The following COL21A1 variants were observed in gnomAD, a reference collection of about 807,000 sequenced individuals.
COL21A1 encodes the protein collagen alpha-1(XXI) chain.
In COL21A1, 149 loss-of-function variants were observed where a neutral mutation model predicts 137.9. The observed-to-expected ratio is 1.08, with a 90% CI of 0.95 to 1.24. The LOEUF (loss-of-function observed/expected upper bound fraction) is 1.24, where lower values mean the gene tolerates loss of function less well. Ranked by LOEUF, COL21A1 falls within the 50% of genes most tolerant of loss-of-function variation. COL21A1 has a pLI of 0.00. For synonymous variants in COL21A1, 456 were observed against 391.5 expected, an observed-to-expected ratio of 1.16 and a Z score of -1.95; for missense variants, 1,167 against 1,158.4, an observed-to-expected ratio of 1.01 and a Z score of -0.11.
rs893705860 is a variant in COL21A1 at position 56,056,826 on chromosome 6, A to G, written c.*831T>C. 7.2e-5 allele frequency: 11 copies of G among 152,214 alleles called. No homozygotes were observed. The highest frequency in any genetic ancestry group is 1.2e-4 in the African/African-American group (5 of 41,464). The allele number at this position is 152,214 out of a possible 1,614,324, so 9.4% of individuals were successfully genotyped here. A position where few individuals can be genotyped will look rare whatever the true frequency, so the allele number is the denominator to read the frequency against. ...CTTTATTTCCATTAGCTTTGCTACAATGAAAATTAACATATATGGACATAC... is the reference window on the plus strand; with the variant it reads ...CTTTATTTCCATTAGCTTTGCTACAGTGAAAATTAACATATATGGACATAC... On this transcript the variant is annotated 3_prime_UTR_variant, in exon 30 of 30. Transcript: ENST00000244728.
intron 17 of COL21A1, among the ~76,000 whole-genome samples, chr6:56,098,076 T>TAA (rs1562189807): frequency 7.9e-5 from 2 of 25,348 alleles, no homozygotes; most frequent in Non-Finnish European, 1.2e-4. Flanking sequence ...TATAAATATA[T>TAA]ATAAATATAA....
intron 1 of COL21A1, among the ~76,000 whole-genome samples, chr6:56,241,644 T>C (rs1782333463): frequency 6.6e-6 from 1 of 152,238 alleles, no homozygotes; most frequent in Non-Finnish European, 1.5e-5. Context: ...CCTGGGTATT[T>C]ACCTTCTCCA....
At chr6:56,175,544 CAT>C (rs1212063762) in intron 3 of COL21A1, among the ~76,000 whole-genome samples, 1 of 151,732 alleles carries the variant, frequency 6.6e-6, no homozygotes, top group African/African-American at 2.4e-5. Flanking sequence ...ATTTATAAAA[CAT>C]AAAAATAAAA....
At chr6:56,339,647 T>G (rs916167229) in intron 1 of COL21A1, among the ~76,000 whole-genome samples, 1 of 152,238 alleles carries the variant, frequency 6.6e-6, no homozygotes, top group Non-Finnish European at 1.5e-5. Flanking sequence ...AGCCACATTC[T>G]TTTGAACTTT....
chr6:56,179,661 G>A lies in COL21A1; in HGVS notation c.557C>T (p.Pro186Leu). The A allele has an allele frequency of 6.2e-7, 1 of 1,613,884 alleles. No homozygotes were observed. The highest frequency in any genetic ancestry group is 8.5e-7 in the Non-Finnish European group (1 of 1,179,852). The stretch of plus-strand genomic sequence containing the variant: ...CACATAAAACACATAAGTAGACGAA[G>A]GCTTGTTGGCAATAGCTCTAAGTTC... ...DAELRAIANK[P>L]SSTYVFYVED... Residue 186 changes from proline (P) to leucine (L), a missense_variant, in exon 3 of 30, where the codon CCT (proline) becomes CTT (leucine). Transcript: ENST00000244728.
At chr6:56,366,477 GT>G (rs60251615) in intron 1 of COL21A1, among the ~76,000 whole-genome samples, 150,741 of 152,268 alleles carry the variant, frequency 0.99, 74,620 homozygotes, top group East Asian at 1. Context: ...AAATAAATAT[GT>G]TTTTTAGAAT....
At position 56,070,792 on chromosome 6, in the gene COL21A1, T is replaced by C; in HGVS notation, c.1972A>G (p.Lys658Glu). 1 of 1,597,038 alleles carries C rather than the reference T, an allele frequency of 6.3e-7. No homozygotes were observed. ...ATCCCTTGAATTCCAGGTTCACCTT[T>C]GCTTCCCTGTCAACACATCAAAAAC... ...QPGTPGSKGS[K>E]GEPGIQGMPG... is the part of the protein sequence containing the mutation. Residue 658 changes from lysine (K) to glutamate (E), a missense_variant, in exon 21 of 30, where the codon AAA (lysine) becomes GAA (glutamate). Transcript: ENST00000244728.
At chr6:56,144,091 T>C (rs1774646310) in intron 10 of COL21A1, among the ~76,000 whole-genome samples, 1 of 152,212 alleles carries the variant, frequency 6.6e-6, no homozygotes, top group Admixed American at 6.5e-5. Context: ...CCTCAACCAC[T>C]TTGGAATCAG....
chr6:56,260,911 C>A, intron 1 of COL21A1, among the ~76,000 whole-genome samples: 1 of 107,488 alleles, frequency 9.3e-6, no homozygotes, highest in Non-Finnish European at 1.9e-5. Context: ...ATAGCTATAC[C>A]TATACATTTA....
intron 10 of COL21A1, among the ~76,000 whole-genome samples, chr6:56,148,885 T>C (rs997913580): frequency 6.6e-6 from 1 of 152,222 alleles, no homozygotes; most frequent in East Asian, 1.9e-4. Context: ...CTCCAAGTTA[T>C]ACACTTCTGA....
intron 10 of COL21A1, among the ~76,000 whole-genome samples, chr6:56,149,977 C>T (rs1219958729): frequency 6.6e-6 from 1 of 152,210 alleles, no homozygotes; most frequent in South Asian, 2.1e-4. Flanking sequence ...GAAAGCCAAA[C>T]TCATAACAAT....
chr6:56,284,305 C>T (rs1763852805), intron 1 of COL21A1, among the ~76,000 whole-genome samples: 1 of 152,184 alleles, frequency 6.6e-6, no homozygotes, highest in Admixed American at 6.5e-5. Context: ...CCACCTACCT[C>T]AGCCTCCCAA....
chr6:56,179,249 T>C (rs1490450472), intron 3 of COL21A1, among the ~76,000 whole-genome samples: 2 of 152,104 alleles, frequency 1.3e-5, no homozygotes, highest in African/African-American at 4.8e-5. Context: ...GTGATTTATA[T>C]ATATTTTTAT....
chr6:56,077,987 A>C, intron 17 of COL21A1: 1 of 435,304 alleles, frequency 2.3e-6, no homozygotes, highest in Non-Finnish European at 4.5e-6. Flanking sequence ...CCTTAGTTAA[A>C]AATTAATTTA....
intron 23 of COL21A1, 144 bp from the exon 24 acceptor site, chr6:56,064,766 G>A: frequency 1.2e-5 from 6 of 503,724 alleles, no homozygotes; most frequent in Non-Finnish European, 2.1e-5. Flanking sequence ...GTGAGAGATG[G>A]GAAAATCAGT....
intron 1 of COL21A1, among the ~76,000 whole-genome samples, chr6:56,285,014 CT>C (rs1763871640): frequency 6.6e-6 from 1 of 152,218 alleles, no homozygotes; most frequent in African/African-American, 2.4e-5. Context: ...CTTATCTAGT[CT>C]CTATTCAAGC....
At chr6:56,325,431 TA>T (rs1765013487) in intron 1 of COL21A1, among the ~76,000 whole-genome samples, 1 of 320 alleles carries the variant, frequency 3.1e-3, no homozygotes, top group African/African-American at 3.4e-3. Flanking sequence ...ATATATTATA[TA>T]ATATATCTGA....
intron 10 of COL21A1, 58 bp from the exon 11 acceptor site, chr6:56,142,041 T>C: frequency 2.3e-6 from 3 of 1,296,290 alleles, no homozygotes; most frequent in Non-Finnish European, 3.2e-6. Context: ...CCAAGAGAAG[T>C]TCTTCGTTTC....
chr6:56,298,489 C>G (rs1764208882), intron 1 of COL21A1, among the ~76,000 whole-genome samples: 1 of 151,766 alleles, frequency 6.6e-6, no homozygotes, highest in African/African-American at 2.4e-5. Context: ...GTCTCTGTAA[C>G]CTATAATGTG....
Sources: allele counts gnomAD v4.1 joint callset (sites outside exome capture counted in the v4.1 genomes callset), GRCh38; gene constraint gnomAD v4.1.1; transcripts MANE v1.5; gene names NCBI Gene and HGNC (gene_info 2026-07-23, HGNC 2026-07-21).